DLGAP1: variants seen among roughly 807,000 people sequenced by gnomAD.
The protein encoded by DLGAP1 is DLG associated protein 1, also known as disks large-associated protein 1.
Under a neutral mutation model 90.8 loss-of-function variants are expected in DLGAP1, and 11 were observed. The ratio of observed to expected loss-of-function variants is 0.12; its 90% CI spans 0.08 to 0.20. The LOEUF is 0.20. DLGAP1 is among the 10% of genes least tolerant of loss of function. The pLI, the probability that DLGAP1 is intolerant of heterozygous loss-of-function variation, is 1.00. For missense variants in DLGAP1, 1,050 were observed against 1,333.8 expected (o/e 0.79, Z 3.31); for synonymous variants, 558 against 540.7 (o/e 1.03, Z -0.44).
intron 1 of DLGAP1, among the ~76,000 whole-genome samples, chr18:4,310,349 T>C (rs1476796788): frequency 6.6e-6 from 1 of 152,222 alleles, no homozygotes. Flanking sequence ...GTGTGTTGTT[T>C]TGAAACACAA....
At position 3,664,183 on chromosome 18, in the gene DLGAP1, T is replaced by TACACACACACACACAC. The variant is rs35653599; in HGVS notation, c.1591+64936_1591+64951dup. Among the ~76,000 whole-genome samples, 24 of 135,740 alleles carry TACACACACACACACAC rather than the reference T, an allele frequency of 1.8e-4. No homozygotes were observed. The East Asian group carries it at 4.9e-3, about 28-fold the overall frequency. The allele number at this position is 135,740 out of a possible 152,430, so 89.1% of individuals were successfully genotyped here. On this transcript the variant is annotated intron_variant, in intron 7 of 12. Coordinates refer to ENST00000315677, the MANE Select transcript of DLGAP1 (RefSeq NM_004746.4). ...CAGCCTCCATAATTATGGGTCAGTA[T>TACACACACACACACAC]ACACACACACACACACACACACACA... is the stretch of plus-strand genomic sequence containing the variant.
At chr18:4,048,653 A>G (rs1341663140) in intron 2 of DLGAP1, among the ~76,000 whole-genome samples, 1 of 152,222 alleles carries the variant, frequency 6.6e-6, no homozygotes, top group East Asian at 1.9e-4. Flanking sequence ...CCTGCACTAG[A>G]TCAATCTTTC....
intron 2 of DLGAP1, among the ~76,000 whole-genome samples, chr18:4,026,393 C>T (rs2074699593): frequency 6.6e-6 from 1 of 152,076 alleles, no homozygotes; most frequent in Non-Finnish European, 1.5e-5. Context: ...ATAATGAAGC[C>T]AAATTCTTCT....
chr18:3,561,527 T>C (rs900386945), intron 9 of DLGAP1, among the ~76,000 whole-genome samples: 11 of 150,616 alleles, frequency 7.3e-5, no homozygotes, highest in African/African-American at 2.5e-4. Flanking sequence ...AAGAACTTCT[T>C]AACATTTCTT....
At chr18:3,680,793 A>AAG (rs2060489393) in intron 7 of DLGAP1, among the ~76,000 whole-genome samples, 1 of 151,720 alleles carries the variant, frequency 6.6e-6, no homozygotes, top group African/African-American at 2.4e-5. Context: ...CGTCTCAAAA[A>AAG]AAAAAAAAAA....
intron 7 of DLGAP1, among the ~76,000 whole-genome samples, chr18:3,637,332 G>A (rs1053458633): frequency 5.3e-5 from 8 of 152,020 alleles, no homozygotes; most frequent in Middle Eastern, 3.2e-3. Context: ...CTCCATCTGA[G>A]GCTCTCCTCT....
At chr18:4,071,885 G>A (rs1050551956) in intron 2 of DLGAP1, among the ~76,000 whole-genome samples, 2 of 152,196 alleles carry the variant, frequency 1.3e-5, no homozygotes, top group African/African-American at 4.8e-5. Context: ...TTGTTCCTAA[G>A]TATATTGCAG....
intron 2 of DLGAP1, among the ~76,000 whole-genome samples, chr18:4,025,554 T>C (rs1265594127): frequency 1.3e-5 from 2 of 152,146 alleles, no homozygotes; most frequent in Admixed American, 6.5e-5. Context: ...CCCACGGTCA[T>C]GCAATTGATC....
intron 4 of DLGAP1, chr18:3,874,200 A>G (rs2070922858): frequency 6.5e-7 from 1 of 1,550,000 alleles, no homozygotes; most frequent in Non-Finnish European, 8.7e-7. Flanking sequence ...AACTGAAGAA[A>G]CCCACTCAGC....
chr18:3,754,412 A>G (rs549983895), intron 5 of DLGAP1, among the ~76,000 whole-genome samples: 3 of 151,922 alleles, frequency 2.0e-5, no homozygotes, highest in Non-Finnish European at 4.4e-5. Flanking sequence ...TCTTCAATAA[A>G]TGTATTGAAA....
At chr18:3,834,722 T>G (rs2068271055) in intron 4 of DLGAP1, among the ~76,000 whole-genome samples, 1 of 152,110 alleles carries the variant, frequency 6.6e-6, no homozygotes, top group Non-Finnish European at 1.5e-5. Context: ...TGGAACACGG[T>G]GGGGGAGGGA....
At chr18:4,306,123 C>T (rs1355237217) in intron 1 of DLGAP1, among the ~76,000 whole-genome samples, 2 of 149,376 alleles carry the variant, frequency 1.3e-5, no homozygotes, top group African/African-American at 2.5e-5. Context: ...TAAATAACAG[C>T]AGATAGGTGA....
chr18:3,936,054 T>C (rs1396275869), intron 3 of DLGAP1, among the ~76,000 whole-genome samples: 1 of 152,100 alleles, frequency 6.6e-6, no homozygotes, highest in Non-Finnish European at 1.5e-5. Context: ...CAGCCTCTGC[T>C]GGGGTCACAT....
At chr18:4,040,044 G>A (rs994047974) in intron 2 of DLGAP1, among the ~76,000 whole-genome samples, 5 of 151,966 alleles carry the variant, frequency 3.3e-5, no homozygotes, top group African/African-American at 1.2e-4. Context: ...TCCCAATTTG[G>A]GCAAAACAGT....
intron 7 of DLGAP1, among the ~76,000 whole-genome samples, chr18:3,680,869 T>C (rs1279720418): frequency 6.6e-6 from 1 of 151,740 alleles, no homozygotes; most frequent in Non-Finnish European, 1.5e-5. Flanking sequence ...AATGCTATCA[T>C]TTGCACACTT....
rs1316365383 is a variant in DLGAP1 at position 3,517,036 on chromosome 18, G to T, written c.2480-8375C>A. ...AAGAAATCTTTTTTTCTGAGCCATA[G>T]GTCTCAACAGTAGGCTTAAAGTGTA... On this transcript the variant is annotated intron_variant, in intron 10 of 12. Coordinates refer to ENST00000315677, the MANE Select transcript of DLGAP1 (RefSeq NM_004746.4). This position sits in a 1 kb window ranked among gnomAD's most constrained non-coding sequence, Gnocchi z 4.1. Among the ~76,000 whole-genome samples the T allele has an allele frequency of 6.6e-6, 1 of 152,190 alleles. No individual in the cohort carries two copies. The highest frequency in any genetic ancestry group is 2.4e-5 in the African/African-American group (1 of 41,442).
In DLGAP1 at chr18:3,814,115, C is replaced by A; in HGVS notation, c.1116G>T (p.Arg372=). 1 of 1,614,040 alleles carries A rather than the reference C, an allele frequency of 6.2e-7. No individual in the cohort carries two copies. Among genetic ancestry groups the A allele is most frequent in the Non-Finnish European group, 8.5e-7 (1 of 1,179,990 alleles). Residue 372 remains arginine, a synonymous_variant, in exon 5 of 13, where the codon CGG becomes CGT. Transcript: ENST00000315677. ...GAGTAGCCTTGAGATAGCTTTCTCT[C>A]CGCGCAGCAACTTTTGGAGAAGGCT... is the stretch of plus-strand genomic sequence containing the variant. ...SPKPSPKVAA[R]RESYLKATQP... is the part of the protein sequence containing the mutation.
intron 1 of DLGAP1, among the ~76,000 whole-genome samples, chr18:4,276,007 G>A (rs1050959524): frequency 1.3e-5 from 2 of 151,922 alleles, no homozygotes. Context: ...TCTGTGGCTA[G>A]GAGGAGCAGA....
intron 1 of DLGAP1, among the ~76,000 whole-genome samples, chr18:4,309,817 T>C (rs1310161311): frequency 6.6e-6 from 1 of 152,166 alleles, no homozygotes; most frequent in East Asian, 1.9e-4. Context: ...GGGGCATTAA[T>C]AGTCAAAGAG....
Sources: allele counts gnomAD v4.1 joint callset (sites outside exome capture counted in the v4.1 genomes callset), GRCh38; gene constraint gnomAD v4.1.1; non-coding constraint Gnocchi (gnomAD v3.1); transcripts MANE v1.5; gene names NCBI Gene and HGNC (gene_info 2026-07-23, HGNC 2026-07-21).